Variants in EXT2 observed in about 807,000 individuals in gnomAD.
EXT2 encodes the protein exostosin-2.
In EXT2, 53 loss-of-function variants were observed where a neutral mutation model predicts 81.6. That is an observed-to-expected ratio of 0.65 (90% CI 0.52 to 0.82). EXT2 has a LOEUF of 0.82. Ranked by LOEUF, EXT2 falls within the 40% of genes least tolerant of loss-of-function variation. EXT2 has a pLI of 0.00. For missense variants in EXT2, 774 were observed against 910.2 expected, an observed-to-expected ratio of 0.85 and a Z score of 1.93; for synonymous variants, 320 against 340.0, an observed-to-expected ratio of 0.94 and a Z score of 0.65.
chr11:44,241,766 C>T (rs1481037273), intron 13 of EXT2, among the ~76,000 whole-genome samples: 1 of 152,186 alleles, frequency 6.6e-6, no homozygotes, highest in Non-Finnish European at 1.5e-5. Flanking sequence ...GGTAGCTGGA[C>T]CCCTGACAAC....
chr11:44,248,212 T>A lies in EXT2; in HGVS notation c.*3925T>A, dbSNP rs1956111665. Among the ~76,000 whole-genome samples the A allele has an allele frequency of 6.6e-6, 1 of 152,180 alleles. No homozygotes were observed. Among genetic ancestry groups the A allele is most frequent in the South Asian group, 2.1e-4 (1 of 4,830 alleles). Reference sequence around the variant, plus strand: ...AGCAAGAGAAGCCACAGTGGGCTGTTCCCCAAGCAGCCCTGGCACAGAGAG... The same window carrying A: ...AGCAAGAGAAGCCACAGTGGGCTGTACCCCAAGCAGCCCTGGCACAGAGAG... On this transcript the variant is annotated 3_prime_UTR_variant, in exon 14 of 14. Transcript: ENST00000533608.
chr11:44,118,678 C>T (rs902709113), intron 4 of EXT2, among the ~76,000 whole-genome samples: 164 of 152,094 alleles, frequency 1.1e-3, no homozygotes, highest in African/African-American at 3.9e-3. Context: ...AGTGAATTCA[C>T]GGACAGAAGA....
intron 1 of EXT2, among the ~76,000 whole-genome samples, chr11:44,096,882 A>G (rs986429976): frequency 1.3e-5 from 2 of 152,224 alleles, no homozygotes; most frequent in African/African-American, 2.4e-5. Flanking sequence ...TAAGTGCTCT[A>G]TGTACTTTAA....
chr11:44,132,754 C>T (rs907609903), intron 7 of EXT2, among the ~76,000 whole-genome samples: 1 of 152,066 alleles, frequency 6.6e-6, no homozygotes, highest in Non-Finnish European at 1.5e-5. Flanking sequence ...CTTTCCCGGC[C>T]CCCTTTCTAA....
At chr11:44,228,614 C>G (rs937521234) in intron 10 of EXT2, among the ~76,000 whole-genome samples, 1 of 152,284 alleles carries the variant, frequency 6.6e-6, no homozygotes, top group Non-Finnish European at 1.5e-5. Flanking sequence ...TATCCAGCTG[C>G]TTGGAATCAG....
chr11:44,197,934 C>A lies in EXT2; in HGVS notation c.1411C>A (p.Arg471=). ...CTACGACCGAGTAGAGAGCCTCTTC[C>A]GGGTCATCACTGAAGTGTCCAAGGT... ...LTYDRVESLF[R]VITEVSKVPS... Residue 471 remains arginine, a synonymous_variant, in exon 9 of 14, where the codon CGG becomes AGG. Coordinates refer to ENST00000533608, the MANE Select transcript of EXT2 (RefSeq NM_207122.2). 6.2e-7 allele frequency: 1 copy of A among 1,614,104 alleles called. No homozygotes were observed. The highest frequency in any genetic ancestry group is 8.5e-7 in the Non-Finnish European group (1 of 1,179,986).
At chr11:44,237,924 A>C (rs947164769) in intron 13 of EXT2, among the ~76,000 whole-genome samples, 11 of 150,948 alleles carry the variant, frequency 7.3e-5, no homozygotes, top group Admixed American at 5.9e-4. Context: ...AAAAAAAAAA[A>C]AAAAAACATA....
Position 44,216,065 on chromosome 11 carries a change from A to T in EXT2, c.1662+9106A>T, listed in dbSNP as rs866077901. 8.6e-5 allele frequency among the ~76,000 whole-genome samples: 13 copies of T among 151,584 alleles called. No individual in the cohort carries two copies. The Middle Eastern group carries it at 0.01, about 119-fold the overall frequency. On this transcript the variant is annotated intron_variant, in intron 10 of 13. Coordinates refer to ENST00000533608, the MANE Select transcript of EXT2 (RefSeq NM_207122.2). ...CTAATTTTTTGTATTTTTAGTAGAG[A>T]CGGGGTTTCACCTTGTTAGCCAGGA...
At position 44,124,998 on chromosome 11, in the gene EXT2, A is replaced by G. The variant is rs750413664; in HGVS notation, c.939+14A>G. On this transcript the variant is annotated intron_variant, in intron 5 of 13. Coordinates refer to ENST00000533608, the MANE Select transcript of EXT2 (RefSeq NM_207122.2). ...CAGGTGCTACAGGTGAGTGTCATTC[A>G]TTACCTCTCGCAAAGGCTCAGGAGA... is the stretch of plus-strand genomic sequence containing the variant. 8 of 1,611,274 alleles carry G rather than the reference A, an allele frequency of 5.0e-6. No individual in the cohort carries two copies. The South Asian group carries it at 5.5e-5, about 11-fold the overall frequency.
intron 7 of EXT2, among the ~76,000 whole-genome samples, chr11:44,167,237 T>A (rs1955007189): frequency 6.6e-6 from 1 of 152,232 alleles, no homozygotes; most frequent in African/African-American, 2.4e-5. Flanking sequence ...GTGAAAAATG[T>A]GCTCGTAATC....
chr11:44,206,329 A>G (rs1442136687), intron 9 of EXT2, among the ~76,000 whole-genome samples: 1 of 152,154 alleles, frequency 6.6e-6, no homozygotes, highest in Non-Finnish European at 1.5e-5. Flanking sequence ...ACTTATCTGA[A>G]AGTATTTTGC....
intron 8 of EXT2, among the ~76,000 whole-genome samples, chr11:44,188,900 C>G (rs1955353750): frequency 6.6e-6 from 1 of 152,160 alleles, no homozygotes; most frequent in African/African-American, 2.4e-5. Flanking sequence ...TGAGAATTTT[C>G]CACAATTGTT....
chr11:44,217,460 C>A (rs934062049), intron 10 of EXT2, among the ~76,000 whole-genome samples: 3 of 152,158 alleles, frequency 2.0e-5, no homozygotes, highest in Admixed American at 6.5e-5. Flanking sequence ...TCTCTCCAGC[C>A]CTGAAATCAG....
chr11:44,230,616 T>C (rs1383525184), intron 10 of EXT2, among the ~76,000 whole-genome samples: 1 of 152,018 alleles, frequency 6.6e-6, no homozygotes, highest in Non-Finnish European at 1.5e-5. Context: ...CTTGTGAAGA[T>C]GGAGGGTTGG....
At chr11:44,212,296 AATATAAATAAATAAAT>A (rs1955658230) in intron 10 of EXT2, among the ~76,000 whole-genome samples, 1 of 46,360 alleles carries the variant, frequency 2.2e-5, no homozygotes. Flanking sequence ...AAAAAATAAA[AATATAAATAAATAAAT>A]AAATAAATAA....
intron 7 of EXT2, among the ~76,000 whole-genome samples, chr11:44,132,889 CCTCTT>C (rs1954514449): frequency 6.6e-6 from 1 of 152,210 alleles, no homozygotes; most frequent in Non-Finnish European, 1.5e-5. Flanking sequence ...CCCAAAATGA[CCTCTT>C]TTCTTTTCCT....
At chr11:44,229,624 G>C (rs1955875472) in intron 10 of EXT2, among the ~76,000 whole-genome samples, 2 of 152,176 alleles carry the variant, frequency 1.3e-5, no homozygotes, top group African/African-American at 4.8e-5. Flanking sequence ...CCCTTTACCT[G>C]CTTCTGGAAA....
At chr11:44,147,147 C>T (rs540504114) in intron 7 of EXT2, among the ~76,000 whole-genome samples, 46 of 152,346 alleles carry the variant, frequency 3.0e-4, no homozygotes, top group African/African-American at 9.9e-4. Context: ...CATACTTGTA[C>T]ACCCTAGCTC....
intron 9 of EXT2, 125 bp from the exon 10 acceptor site, chr11:44,206,668 T>C: frequency 1.0e-6 from 1 of 976,708 alleles, no homozygotes; most frequent in Admixed American, 2.1e-5. Context: ...CAGTTCTACC[T>C]TTGGATTTGA....
Sources: gnomAD v4.1 joint callset for allele counts (sites outside exome capture counted in the v4.1 genomes callset) on GRCh38, gnomAD v4.1.1 for gene constraint, MANE v1.5 for transcripts, NCBI Gene and HGNC (gene_info 2026-07-23, HGNC 2026-07-21) for gene names.